Variants in WDR17 observed in about 807,000 individuals in gnomAD.
WDR17 encodes the protein WD repeat domain 17, also known as WD repeat-containing protein 17.
In WDR17, 143 loss-of-function variants were observed where a neutral mutation model predicts 161.7. The observed-to-expected ratio is 0.88, with a 90% CI of 0.77 to 1.02. The LOEUF is 1.02. Ranked by LOEUF, WDR17 falls within the 50% of genes least tolerant of loss-of-function variation. The probability of loss-of-function intolerance (pLI) is 0.00; values close to 1 mark genes in which losing one functional copy is unlikely to be tolerated. For missense variants in WDR17, 1,469 were observed against 1,520.9 expected, an observed-to-expected ratio of 0.97 and a Z score of 0.57; for synonymous variants, 517 against 515.6, an observed-to-expected ratio of 1.00 and a Z score of -0.04.
At chr4:176,158,564 T>G (rs1054741286) in intron 18 of WDR17, among the ~76,000 whole-genome samples, 3 of 152,298 alleles carry the variant, frequency 2.0e-5, no homozygotes, top group African/African-American at 7.2e-5. Flanking sequence ...TCCTTGTGAT[T>G]TTAGTGGCAT....
chr4:176,163,445 A>G, intron 22 of WDR17, 152 bp downstream of exon 22: 1 of 965,870 alleles, frequency 1.0e-6, no homozygotes, highest in Non-Finnish European at 1.5e-6. Flanking sequence ...ATGATATAAC[A>G]ATGTCATAAT....
chr4:176,105,108 T>C (rs114182407), intron 1 of WDR17, among the ~76,000 whole-genome samples: 317 of 151,504 alleles, frequency 2.1e-3, no homozygotes, highest in African/African-American at 7.2e-3. Flanking sequence ...ATGAAATTGA[T>C]TTTTAGTCAA....
At chr4:176,110,120 T>C (rs998688463) in intron 1 of WDR17, among the ~76,000 whole-genome samples, 1 of 152,032 alleles carries the variant, frequency 6.6e-6, no homozygotes, top group Non-Finnish European at 1.5e-5. Context: ...TATTAGGAGC[T>C]CCTCTCTTTA....
chr4:176,143,071 G>A (rs570850199), intron 11 of WDR17, among the ~76,000 whole-genome samples: 3 of 152,214 alleles, frequency 2.0e-5, no homozygotes, highest in Admixed American at 1.3e-4. Flanking sequence ...TAGAGACGGG[G>A]TTTCTCCATG....
At chr4:176,178,672 CTA>C (rs202003179) in intron 28 of WDR17, among the ~76,000 whole-genome samples, 1,799 of 152,214 alleles carry the variant, frequency 0.012, 15 homozygotes, top group Non-Finnish European at 0.02. Context: ...TTTCTAGTGC[CTA>C]CTAATAGGAG....
intron 1 of WDR17, among the ~76,000 whole-genome samples, chr4:176,089,712 G>T (rs1290479030): frequency 6.6e-6 from 1 of 152,146 alleles, no homozygotes; most frequent in African/African-American, 2.4e-5. Context: ...TCAAACAGTG[G>T]CAGATCTATG....
At chr4:176,139,812 A>G in intron 9 of WDR17, 80 bp from the exon 10 acceptor site, 2 of 1,167,614 alleles carry the variant, frequency 1.7e-6, no homozygotes, top group East Asian at 2.4e-5. Flanking sequence ...ACAGAAAAGT[A>G]ATACTTAGAA....
chr4:176,173,740 C>A (rs1751077583), intron 25 of WDR17, among the ~76,000 whole-genome samples: 1 of 151,970 alleles, frequency 6.6e-6, no homozygotes, highest in African/African-American at 2.4e-5. Flanking sequence ...TGGTCTCGAT[C>A]TCCTGACCTC....
Position 176,125,099 on chromosome 4 carries a change from A to T in WDR17, c.539-5A>T, listed in dbSNP as rs765647458. 2.7e-5 allele frequency: 44 copies of T among 1,613,408 alleles called. No homozygotes were observed. The highest frequency in any genetic ancestry group is 3.6e-5 in the Non-Finnish European group (43 of 1,179,730). On this transcript the variant is annotated splice_polypyrimidine_tract_variant and splice_region_variant and intron_variant, in intron 4 of 28. Coordinates refer to ENST00000508596, the MANE Select transcript of WDR17 (RefSeq NM_181265.4). ...TTGGAAATAATTATCTCTGTATTTT[A>T]ACAGGTAATAAAAATCAGAAACATG... is the stretch of plus-strand genomic sequence containing the variant.
intron 4 of WDR17, among the ~76,000 whole-genome samples, chr4:176,122,381 C>G (rs1741740877): frequency 6.6e-6 from 1 of 152,090 alleles, no homozygotes; most frequent in Admixed American, 6.6e-5. Flanking sequence ...ACTTTAACAC[C>G]TTTTTTGAGA....
intron 22 of WDR17, among the ~76,000 whole-genome samples, chr4:176,165,361 C>G (rs950320468): frequency 5.3e-5 from 8 of 151,772 alleles, no homozygotes; most frequent in African/African-American, 1.7e-4. Flanking sequence ...AAGAGTGAAA[C>G]TTCGTCTCAA....
At chr4:176,104,028 C>A (rs1467503631) in intron 1 of WDR17, among the ~76,000 whole-genome samples, 1 of 152,012 alleles carries the variant, frequency 6.6e-6, no homozygotes, top group East Asian at 1.9e-4. Flanking sequence ...AAGTGATTAA[C>A]ACATACATAC....
intron 8 of WDR17, among the ~76,000 whole-genome samples, chr4:176,136,983 T>C (rs1744519329): frequency 6.6e-6 from 1 of 151,594 alleles, no homozygotes; most frequent in South Asian, 2.1e-4. Flanking sequence ...TTAGCAGTAG[T>C]TTTATTTTCA....
intron 4 of WDR17, among the ~76,000 whole-genome samples, chr4:176,123,446 A>G (rs575457942): frequency 6.6e-6 from 1 of 152,270 alleles, no homozygotes; most frequent in African/African-American, 2.4e-5. Context: ...CTCTCTTCTG[A>G]TGACAGTTGT....
chr4:176,070,226 A>G (rs923312979), intron 1 of WDR17, among the ~76,000 whole-genome samples: 32 of 152,206 alleles, frequency 2.1e-4, no homozygotes, highest in African/African-American at 7.0e-4. Context: ...TTTATATATC[A>G]ATAGTAGCTT....
intron 7 of WDR17, among the ~76,000 whole-genome samples, chr4:176,134,464 T>A (rs1454282154): frequency 6.6e-6 from 1 of 151,724 alleles, no homozygotes; most frequent in Non-Finnish European, 1.5e-5. Context: ...TGTTTACATG[T>A]ATCTGCATAT....
chr4:176,145,545 A>G (rs772570875), intron 11 of WDR17, among the ~76,000 whole-genome samples: 2 of 152,210 alleles, frequency 1.3e-5, no homozygotes, highest in Non-Finnish European at 2.9e-5. Flanking sequence ...CCCATGCCAC[A>G]AAAACAATCT....
chr4:176,076,213 TAATATATATATATA>T (rs1351178165), intron 1 of WDR17, among the ~76,000 whole-genome samples: 1 of 19,910 alleles, frequency 5.0e-5, no homozygotes, highest in Non-Finnish European at 1.5e-4. Context: ...TTTACATATA[TAATATATATATATA>T]TATATATATA....
intron 15 of WDR17, 21 bp downstream of exon 15, chr4:176,150,194 A>G (rs1249470519): frequency 1.2e-6 from 2 of 1,607,570 alleles, no homozygotes; most frequent in African/African-American, 1.3e-5. Flanking sequence ...CAGGAATTAA[A>G]TGCGAATATT....
Sources: allele counts gnomAD v4.1 joint callset (sites outside exome capture counted in the v4.1 genomes callset), GRCh38; gene constraint gnomAD v4.1.1; transcripts MANE v1.5; gene names NCBI Gene and HGNC (gene_info 2026-07-23, HGNC 2026-07-21).